Variants in CUX1 observed in about 807,000 individuals in gnomAD.
CUX1 encodes the protein protein CASP.
In CUX1, 31 loss-of-function variants were observed where a neutral mutation model predicts 158.8. That is an observed-to-expected ratio of 0.20 (90% CI 0.15 to 0.26). The LOEUF (loss-of-function observed/expected upper bound fraction) is 0.26, where lower values mean the gene tolerates loss of function less well. CUX1 is among the 10% of genes least tolerant of loss of function. The pLI is 1.00. For missense variants in CUX1, 1,589 were observed against 2,014.6 expected (o/e 0.79, Z 4.04); for synonymous variants, 879 against 862.1 (o/e 1.02, Z -0.34).
chr7:102,077,059 AAAG>A (rs150302654), intron 4 of CUX1, among the ~76,000 whole-genome samples: 6,047 of 151,662 alleles, frequency 0.04, 128 homozygotes, highest in Middle Eastern at 0.051. Context: ...AAATTAGAAA[AAAG>A]AAGAAGAAAA....
chr7:102,249,937 G>T lies in CUX1; in HGVS notation c.*895G>T. On this transcript the variant is annotated 3_prime_UTR_variant, in exon 24 of 24. Coordinates refer to ENST00000292535, the MANE Select transcript of CUX1 (RefSeq NM_181552.4). Reference sequence around the variant, plus strand: ...GCTGACATAGTGTTTTCTTGTACGTGAATAGAATCCTGACATGTAGTGCAC... The same window carrying T: ...GCTGACATAGTGTTTTCTTGTACGTTAATAGAATCCTGACATGTAGTGCAC... 1 of 985,284 alleles carries T rather than the reference G, an allele frequency of 1.0e-6. No homozygotes were observed. The highest frequency in any genetic ancestry group is 1.2e-6 in the Non-Finnish European group (1 of 829,876). The allele number at this position is 985,284 out of a possible 1,614,324, so 61.0% of individuals were successfully genotyped here.
chr7:101,912,367 G>A (rs917399384), intron 1 of CUX1, among the ~76,000 whole-genome samples: 1 of 152,000 alleles, frequency 6.6e-6, no homozygotes, highest in African/African-American at 2.4e-5. Flanking sequence ...CCAGACCCAC[G>A]AGGCTCTGGA....
intron 17 of CUX1, among the ~76,000 whole-genome samples, chr7:102,275,840 C>T (rs1554547634): frequency 6.6e-6 from 1 of 151,960 alleles, no homozygotes; most frequent in Non-Finnish European, 1.5e-5. Flanking sequence ...GAAACCCCGT[C>T]TCTACTAAAA....
chr7:101,993,880 A>T (rs1020891182), intron 2 of CUX1, among the ~76,000 whole-genome samples: 3 of 151,896 alleles, frequency 2.0e-5, no homozygotes, highest in African/African-American at 7.3e-5. Context: ...TCTCCCCTTC[A>T]TGGTGCTCCT....
chr7:102,011,456 A>G (rs1325342303), intron 2 of CUX1, among the ~76,000 whole-genome samples: 1 of 149,136 alleles, frequency 6.7e-6, no homozygotes, highest in Admixed American at 6.7e-5. Flanking sequence ...TTGCTTGCTT[A>G]TTTATTTATT....
intron 11 of CUX1, among the ~76,000 whole-genome samples, chr7:102,182,069 G>A (rs1314404353): frequency 6.6e-6 from 1 of 152,052 alleles, no homozygotes; most frequent in African/African-American, 2.4e-5. Flanking sequence ...CATGTCTTAC[G>A]GGGGACCCTC....
intron 20 of CUX1, among the ~76,000 whole-genome samples, chr7:102,214,730 G>A (rs1796880977): frequency 6.6e-6 from 1 of 152,232 alleles, no homozygotes; most frequent in Non-Finnish European, 1.5e-5. Flanking sequence ...CGCTCCCGGT[G>A]AGGATAAGGA....
intron 1 of CUX1, among the ~76,000 whole-genome samples, chr7:101,908,264 C>G (rs937264005): frequency 6.6e-6 from 1 of 152,228 alleles, no homozygotes; most frequent in African/African-American, 2.4e-5. Context: ...TTACTGAGCA[C>G]AGGCTCACAG....
intron 2 of CUX1, among the ~76,000 whole-genome samples, chr7:102,020,121 A>G (rs1819170908): frequency 6.6e-6 from 1 of 152,218 alleles, no homozygotes. Flanking sequence ...TGTGAACTAA[A>G]ATCTTTGAGA....
At chr7:102,140,860 G>T in intron 8 of CUX1, among the ~76,000 whole-genome samples, 1 of 144,848 alleles carries the variant, frequency 6.9e-6, no homozygotes. Flanking sequence ...GCGAGACTTC[G>T]TCTCAAAAAA....
At chr7:102,207,333 G>C (rs1269522543) in intron 20 of CUX1, among the ~76,000 whole-genome samples, 2 of 152,136 alleles carry the variant, frequency 1.3e-5, no homozygotes, top group African/African-American at 4.8e-5. Flanking sequence ...CAGCAAGAGG[G>C]GAGGTTGAGC....
intron 4 of CUX1, 101 bp from the exon 5 acceptor site, chr7:102,097,263 G>A (rs531452626): frequency 6.1e-5 from 86 of 1,399,678 alleles, no homozygotes; most frequent in South Asian, 1.7e-4. Flanking sequence ...GGGAGCCCCC[G>A]GAGCTGATGT....
At chr7:101,963,924 T>C (rs1227224576) in intron 2 of CUX1, among the ~76,000 whole-genome samples, 11 of 151,424 alleles carry the variant, frequency 7.3e-5, no homozygotes, top group Admixed American at 4.6e-4. Flanking sequence ...AGTGTTGGGA[T>C]TACAGGCATG....
intron 3 of CUX1, among the ~76,000 whole-genome samples, chr7:102,039,595 C>CAGT (rs1335180277): frequency 1.3e-5 from 2 of 149,356 alleles, no homozygotes; most frequent in East Asian, 3.9e-4. Flanking sequence ...GTTGAGGCTG[C>CAGT]AGTAACCTAT....
chr7:102,083,076 G>A (rs533710393), intron 4 of CUX1, among the ~76,000 whole-genome samples: 6 of 146,942 alleles, frequency 4.1e-5, no homozygotes, highest in South Asian at 2.2e-4. Flanking sequence ...CCTCAGGATA[G>A]CAAAGTTACA....
Position 102,201,025 on chromosome 7 carries a change from T to TAAAAAAAAAAAAAAAAA in CUX1, c.2063-322_2063-306dup, listed in dbSNP as rs78359248. Among the ~76,000 whole-genome samples, 8 of 42,140 alleles carry TAAAAAAAAAAAAAAAAA rather than the reference T, an allele frequency of 1.9e-4. No individual in the cohort carries two copies. The highest frequency in any genetic ancestry group is 8.2e-4 in the African/African-American group (8 of 9,698). The allele number at this position is 42,140 out of a possible 152,430, so 27.6% of individuals were successfully genotyped here. On this transcript the variant is annotated intron_variant, in intron 17 of 23. Transcript: ENST00000292535. This position sits in a 1 kb window ranked among gnomAD's most constrained non-coding sequence, Gnocchi z 5.0. The stretch of plus-strand genomic sequence containing the variant: ...CTGGACAACAGCGAGATCCTGTCGC[T>TAAAAAAAAAAAAAAAAA]AAAAAAAAAAAAAAAAAAAAAAAAA...
intron 2 of CUX1, among the ~76,000 whole-genome samples, chr7:102,005,299 GC>G (rs1425511518): frequency 1.5e-4 from 23 of 152,192 alleles, no homozygotes; most frequent in Admixed American, 1.5e-3. Context: ...ATTACCTGAG[GC>G]CAGGAGTTCG....
At chr7:102,096,639 G>C (rs769067762) in intron 4 of CUX1, among the ~76,000 whole-genome samples, 21 of 152,174 alleles carry the variant, frequency 1.4e-4, no homozygotes, top group Non-Finnish European at 2.8e-4. Flanking sequence ...CCAGGAGGTG[G>C]AGGCTGCAGT....
intron 5 of CUX1, among the ~76,000 whole-genome samples, chr7:102,102,603 G>T (rs201475): frequency 0.63 from 95,123 of 151,912 alleles, 31,332 homozygotes; most frequent in African/African-American, 0.79. Flanking sequence ...GAGCTCCATT[G>T]CCACAAGCCC....
Sources: allele counts gnomAD v4.1 joint callset (sites outside exome capture counted in the v4.1 genomes callset), GRCh38; gene constraint gnomAD v4.1.1; non-coding constraint Gnocchi (gnomAD v3.1); transcripts MANE v1.5; gene names NCBI Gene and HGNC (gene_info 2026-07-23, HGNC 2026-07-21).